PHF21A: variants seen among roughly 807,000 people sequenced by gnomAD.
PHF21A encodes PHD finger protein 21A.
In PHF21A, 11 loss-of-function variants were observed where a neutral mutation model predicts 82.5. The ratio of observed to expected loss-of-function variants is 0.13; its 90% CI spans 0.08 to 0.22. The LOEUF (loss-of-function observed/expected upper bound fraction) is 0.22. Ranked by LOEUF, PHF21A falls within the 10% of genes least tolerant of loss-of-function variation. The pLI, the probability that PHF21A is intolerant of heterozygous loss-of-function variation, is 1.00. For missense variants in PHF21A, 579 were observed against 837.8 expected (o/e 0.69, Z 3.81); for synonymous variants, 297 against 302.8 (o/e 0.98, Z 0.20).
At chr11:46,012,268 C>T (rs1292747565) in intron 6 of PHF21A, among the ~76,000 whole-genome samples, 1 of 152,134 alleles carries the variant, frequency 6.6e-6, no homozygotes, top group African/African-American at 2.4e-5. Flanking sequence ...TATTACTGAC[C>T]ATGCTCTTCT....
intron 6 of PHF21A, among the ~76,000 whole-genome samples, chr11:46,067,277 C>T (rs17787417): frequency 1.3e-5 from 2 of 152,054 alleles, no homozygotes; most frequent in Non-Finnish European, 2.9e-5. Context: ...AGAAACGACA[C>T]AGCATAACAA....
intron 7 of PHF21A, among the ~76,000 whole-genome samples, chr11:45,977,994 T>C (rs972869649): frequency 6.6e-5 from 10 of 152,102 alleles, no homozygotes; most frequent in Non-Finnish European, 1.3e-4. Flanking sequence ...TGCCTTAGTT[T>C]TCTCTTCTAA....
intron 1 of PHF21A, among the ~76,000 whole-genome samples, chr11:46,098,683 TAA>T (rs2097041938): frequency 6.6e-6 from 1 of 152,164 alleles, no homozygotes; most frequent in Non-Finnish European, 1.5e-5. Context: ...TCTATCTTAA[TAA>T]TCAGTTAACC....
intron 6 of PHF21A, among the ~76,000 whole-genome samples, chr11:45,997,650 T>A (rs1366983120): frequency 6.6e-6 from 1 of 152,180 alleles, no homozygotes; most frequent in African/African-American, 2.4e-5. Flanking sequence ...GCAGACAAAT[T>A]AAAATTCCAC....
intron 3 of PHF21A, 116 bp from the exon 4 acceptor site, chr11:46,084,418 T>C: frequency 4.6e-6 from 2 of 438,284 alleles, no homozygotes; most frequent in Non-Finnish European, 7.8e-6. Context: ...GCAAGAAATT[T>C]CCCAAAGAGA....
chr11:46,079,218 T>G (rs1330614404), intron 4 of PHF21A, 52 bp from the exon 5 acceptor site: 3 of 1,375,440 alleles, frequency 2.2e-6, no homozygotes, highest in Middle Eastern at 1.8e-4. Context: ...TAACTCCCTA[T>G]GGCTAATCAG....
chr11:45,991,967 G>A (rs2094719061), intron 6 of PHF21A, among the ~76,000 whole-genome samples: 1 of 152,168 alleles, frequency 6.6e-6, no homozygotes. Context: ...TGCAAGACAT[G>A]TAATAGGATT....
chr11:45,936,153 C>G lies in PHF21A; in HGVS notation c.1684+341G>C, dbSNP rs142717960. On this transcript the variant is annotated intron_variant, in intron 17 of 18. Coordinates refer to ENST00000676320, the MANE Select transcript of PHF21A (RefSeq NM_001352027.3). The stretch of plus-strand genomic sequence containing the variant: ...GTTAACTGGTCATGGTAGTACACAC[C>G]TATAGTCTCAGCTATTTGGGAGGCT... 6.5e-3 allele frequency among the ~76,000 whole-genome samples: 996 copies of G among 152,248 alleles called. 2 individuals carry two copies. Among genetic ancestry groups the G allele is most frequent in the Non-Finnish European group, 1.0e-2 (680 of 68,024 alleles).
chr11:45,999,539 C>T (rs1176635681), intron 6 of PHF21A, among the ~76,000 whole-genome samples: 1 of 152,096 alleles, frequency 6.6e-6, no homozygotes, highest in East Asian at 1.9e-4. Context: ...AACAAATGTA[C>T]TTCAAAATGC....
At chr11:46,018,334 G>C (rs888767421) in intron 6 of PHF21A, among the ~76,000 whole-genome samples, 1 of 151,920 alleles carries the variant, frequency 6.6e-6, no homozygotes, top group African/African-American at 2.4e-5. Flanking sequence ...AATGCCCAAT[G>C]ATCTGTTAGC....
chr11:45,936,583 T>G lies in PHF21A; in HGVS notation c.1609-14A>C. On this transcript the variant is annotated splice_polypyrimidine_tract_variant and intron_variant, in intron 16 of 18. Transcript: ENST00000676320. ...CTTCTTCAGCATCTGAAAAGATTTT[T>G]AGAATTTTACCTTGAGAAGGAGGTT... 1 of 1,592,716 alleles carries G rather than the reference T, an allele frequency of 6.3e-7. No homozygotes were observed.
intron 6 of PHF21A, among the ~76,000 whole-genome samples, chr11:46,056,315 C>CT (rs1465871826): frequency 1.3e-5 from 2 of 152,110 alleles, no homozygotes; most frequent in Non-Finnish European, 2.9e-5. Context: ...GTAAAACAGA[C>CT]TTTACATTTT....
rs575745235 is a variant in PHF21A, at chr11:45,985,916, T to C, written c.154-5950A>G. Reference sequence around the variant, plus strand: ...AATTTATATAGTACAAATAAACAAATTGACAACAGCAGCAACTGTAATTAT... The same window carrying C: ...AATTTATATAGTACAAATAAACAAACTGACAACAGCAGCAACTGTAATTAT... On this transcript the variant is annotated intron_variant, in intron 6 of 18. Transcript: ENST00000676320. Among the ~76,000 whole-genome samples, 9 of 152,240 alleles carry C rather than the reference T, an allele frequency of 5.9e-5. No individual in the cohort carries two copies. The East Asian group carries it at 7.7e-4, about 13-fold the overall frequency.
intron 6 of PHF21A, among the ~76,000 whole-genome samples, chr11:46,061,358 C>T (rs1461511096): frequency 2.0e-5 from 3 of 152,046 alleles, no homozygotes; most frequent in African/African-American, 7.2e-5. Context: ...CCTCAATGGT[C>T]GTTTAATAGG....
At chr11:46,109,026 T>C (rs890981028) in intron 1 of PHF21A, among the ~76,000 whole-genome samples, 1 of 152,200 alleles carries the variant, frequency 6.6e-6, no homozygotes, top group Non-Finnish European at 1.5e-5. Context: ...AAAATCAACA[T>C]GAAACAGCCT....
At chr11:45,942,457 G>C (rs1330855628) in intron 15 of PHF21A, among the ~76,000 whole-genome samples, 1 of 152,194 alleles carries the variant, frequency 6.6e-6, no homozygotes, top group Non-Finnish European at 1.5e-5. Context: ...GTGATCCTTT[G>C]GCAATACTTC....
chr11:45,972,151 C>T (rs2093799148), intron 7 of PHF21A, among the ~76,000 whole-genome samples: 1 of 151,814 alleles, frequency 6.6e-6, no homozygotes, highest in South Asian at 2.1e-4. Flanking sequence ...AAGGTGAAAA[C>T]AAACATCTGA....
intron 9 of PHF21A, among the ~76,000 whole-genome samples, chr11:45,967,127 G>A (rs368325596): frequency 2.6e-5 from 4 of 152,142 alleles, no homozygotes; most frequent in South Asian, 2.1e-4. Context: ...CCAACAATTC[G>A]GGAGGCTGAG....
Position 45,935,779 on chromosome 11 carries a change from CAATT to C in PHF21A, c.1685-44_1685-41del, listed in dbSNP as rs749360727. The C allele has an allele frequency of 4.4e-6, 4 of 918,696 alleles. No homozygotes were observed. The African/African-American group carries it at 5.2e-5, about 12-fold the overall frequency. The allele number at this position is 918,696 out of a possible 1,614,324, so 56.9% of individuals were successfully genotyped here. A position where few individuals can be genotyped will look rare whatever the true frequency, so the allele number is the denominator to read the frequency against. On this transcript the variant is annotated intron_variant, in intron 17 of 18. Coordinates refer to ENST00000676320, the MANE Select transcript of PHF21A (RefSeq NM_001352027.3). Reference sequence around the variant, plus strand: ...AAAAAAAAAAAGGAACGGTTTTTGACAATTAATTCTTTGAAATGTCCTCTGTGCT... The same window carrying C: ...AAAAAAAAAAAGGAACGGTTTTTGACAATTCTTTGAAATGTCCTCTGTGCT...
Sources: allele counts gnomAD v4.1 joint callset (sites outside exome capture counted in the v4.1 genomes callset), GRCh38; gene constraint gnomAD v4.1.1; transcripts MANE v1.5; gene names NCBI Gene and HGNC (gene_info 2026-07-23, HGNC 2026-07-21).